The following CAST variants were observed in gnomAD, a reference collection of about 807,000 sequenced individuals.
CAST encodes the protein calpastatin, also known as MIR583 host.
A neutral mutation model predicts 119.6 loss-of-function variants in CAST; 76 were observed. That is an observed-to-expected ratio of 0.64 (90% CI 0.53 to 0.77). The LOEUF (loss-of-function observed/expected upper bound fraction) is 0.77. Among genes scored for constraint, CAST ranks in the 30% least tolerant of loss-of-function variants. CAST has a pLI of 0.00. For synonymous variants in CAST, 319 were observed against 331.6 expected (o/e 0.96, Z 0.41); for missense variants, 953 against 946.5 (o/e 1.01, Z -0.09).
intron 29 of CAST, chr5:96,769,896 T>C (rs1271796659): frequency 1.3e-5 from 2 of 150,104 alleles, no homozygotes; most frequent in Non-Finnish European, 3.0e-5. Flanking sequence ...TTGTGACAAA[T>C]AGTAGGATAT....
chr5:96,279,314 C>A, the CAST span, among the ~76,000 whole-genome samples: 1 of 152,074 alleles, frequency 6.6e-6, no homozygotes, highest in Admixed American at 6.6e-5. Flanking sequence ...GAAATGTGTC[C>A]CCTTGTGTTT....
intron 17 of CAST, 107 bp downstream of exon 17, chr5:96,746,532 G>T (rs572565729): frequency 1.3e-6 from 1 of 774,750 alleles, no homozygotes; most frequent in South Asian, 1.5e-5. Flanking sequence ...CCCCCATTCA[G>T]ATATTAACTC....
the CAST span, among the ~76,000 whole-genome samples, chr5:96,049,910 A>AAAAAAAAAAAAAAAAAAAAAAAG: frequency 6.7e-6 from 1 of 149,006 alleles, no homozygotes; most frequent in Non-Finnish European, 1.5e-5. Flanking sequence ...AAAAAAAAAA[A>AAAAAAAAAAAAAAAAAAAAAAAG]AAAAAAAGAA....
At chr5:96,665,474 A>G (rs1749193326) in intron 1 of CAST, among the ~76,000 whole-genome samples, 1 of 152,194 alleles carries the variant, frequency 6.6e-6, no homozygotes, top group South Asian at 2.1e-4. Flanking sequence ...AGTAGCCACA[A>G]GCAGCTAGGG....
chr5:96,220,194 G>GAT, the CAST span, among the ~76,000 whole-genome samples: 6 of 152,204 alleles, frequency 3.9e-5, no homozygotes, highest in African/African-American at 1.4e-4. Flanking sequence ...TTAGTACAAA[G>GAT]ATATAAGAGG....
chr5:96,488,938 TG>T, the CAST span, among the ~76,000 whole-genome samples: 1 of 152,212 alleles, frequency 6.6e-6, no homozygotes, highest in Non-Finnish European at 1.5e-5. Flanking sequence ...AAGATATTTA[TG>T]TAGGAAATGA....
At chr5:96,197,321 A>G in the CAST span, among the ~76,000 whole-genome samples, 2 of 152,100 alleles carry the variant, frequency 1.3e-5, no homozygotes, top group African/African-American at 2.4e-5. Flanking sequence ...CAGTCTCCCA[A>G]CTTCTCCCCT....
chr5:96,588,575 C>T (rs1746902229), intron 1 of CAST, among the ~76,000 whole-genome samples: 1 of 152,074 alleles, frequency 6.6e-6, no homozygotes. Flanking sequence ...TCTAATTCTT[C>T]AAATACACTT....
At chr5:96,318,263 G>C in the CAST span, among the ~76,000 whole-genome samples, 1 of 152,240 alleles carries the variant, frequency 6.6e-6, no homozygotes, top group Non-Finnish European at 1.5e-5. Context: ...AAGTTGCTAT[G>C]TATTTGAAAC....
chr5:95,995,817 C>A, the CAST span, among the ~76,000 whole-genome samples: 2 of 152,056 alleles, frequency 1.3e-5, no homozygotes, highest in South Asian at 4.1e-4. Context: ...GCTCCTATAT[C>A]CAATGCATGA....
At chr5:96,367,299 C>T in the CAST span, among the ~76,000 whole-genome samples, 1 of 97,288 alleles carries the variant, frequency 1.0e-5, no homozygotes, top group South Asian at 3.4e-4. Context: ...GCAGTCTGTC[C>T]ATTCTCAGAT....
chr5:96,548,308 G>A (rs1316638318), intron 1 of CAST, among the ~76,000 whole-genome samples: 1 of 152,130 alleles, frequency 6.6e-6, no homozygotes, highest in East Asian at 1.9e-4. Flanking sequence ...ACTGAGTGGA[G>A]GCTATGATTC....
the CAST span, chr5:96,410,651 T>G: frequency 0.34 from 277,201 of 819,394 alleles, 49,988 homozygotes; most frequent in Admixed American, 0.44. Context: ...AAGTGTGAGT[T>G]CTCCCAACTG....
chr5:96,470,297 T>C, the CAST span, among the ~76,000 whole-genome samples: 8 of 151,886 alleles, frequency 5.3e-5, no homozygotes, highest in East Asian at 1.9e-4. Flanking sequence ...GAAAAATATA[T>C]AAAGGTTAGT....
chr5:96,730,787 C>T lies in CAST; in HGVS notation c.557C>T (p.Pro186Leu), dbSNP rs772382053. The T allele has an allele frequency of 6.2e-7, 1 of 1,612,838 alleles. No homozygotes were observed. Among genetic ancestry groups the T allele is most frequent in the South Asian group, 1.1e-5 (1 of 91,064 alleles). The change falls in exon 9 of 32, where the codon CCA (proline) becomes CTA (leucine). Residue 186 changes from proline to leucine, a missense_variant. Pro to Leu is a moderately conservative substitution (Grantham distance 98). Coordinates refer to ENST00000675179, the MANE Select transcript of CAST (RefSeq NM_001750.7). ...TTATCCTCACTGTCTTAGACTAAACCACAAGACATGATTTCTGCTGGTGGA... is the reference window on the plus strand; with the variant it reads ...TTATCCTCACTGTCTTAGACTAAACTACAAGACATGATTTCTGCTGGTGGA... Reference protein sequence around the residue: ...SEKSTEPKTKPQDMISAGGES... With the variant: ...SEKSTEPKTKLQDMISAGGES...
intron 1 of CAST, among the ~76,000 whole-genome samples, chr5:96,531,938 A>G (rs1373884576): frequency 6.6e-6 from 1 of 152,192 alleles, no homozygotes; most frequent in Non-Finnish European, 1.5e-5. Flanking sequence ...ACAAAAAGTC[A>G]AAGAGATAGA....
chr5:96,411,758 A>G, the CAST span, among the ~76,000 whole-genome samples: 1 of 152,262 alleles, frequency 6.6e-6, no homozygotes, highest in Non-Finnish European at 1.5e-5. Context: ...ATATGCTAAA[A>G]GTAATAAATT....
At position 96,729,218 on chromosome 5, in the gene CAST, T is replaced by C. The variant is rs572123946; in HGVS notation, c.435+9T>C. 8 of 1,520,674 alleles carry C rather than the reference T, an allele frequency of 5.3e-6. No individual in the cohort carries two copies. In the African/African-American group the frequency reaches 8.2e-5, roughly 16 times the overall value. 94.2% of individuals were successfully genotyped at this position (1,520,674 alleles called of 1,614,324 possible). A position where few individuals can be genotyped will look rare whatever the true frequency, so the allele number is the denominator to read the frequency against. Reference sequence around the variant, plus strand: ...CAAAAGAACACACAGAGGTAAATGATTATCATCAGGACTTAATTATAAGGC... The same window carrying C: ...CAAAAGAACACACAGAGGTAAATGACTATCATCAGGACTTAATTATAAGGC... On this transcript the variant is annotated intron_variant, in intron 7 of 31. Transcript: ENST00000675179.
chr5:96,397,854 G>A, the CAST span, among the ~76,000 whole-genome samples: 3 of 151,676 alleles, frequency 2.0e-5, no homozygotes, highest in Non-Finnish European at 2.9e-5. Flanking sequence ...AAGTGTGAGA[G>A]GAAATCTTGA....
Sources: gnomAD v4.1 joint callset for allele counts (sites outside exome capture counted in the v4.1 genomes callset) on GRCh38, gnomAD v4.1.1 for gene constraint, MANE v1.5 for transcripts, NCBI Gene and HGNC (gene_info 2026-07-23, HGNC 2026-07-21) for gene names.